Variants in APP observed in about 807,000 individuals in gnomAD.
The protein encoded by APP is amyloid-beta precursor protein.
A neutral mutation model predicts 101.4 loss-of-function variants in APP; 31 were observed. The ratio of observed to expected loss-of-function variants is 0.31; its 90% CI spans 0.23 to 0.41. The LOEUF is 0.41. Ranked by LOEUF, APP falls within the 10% of genes least tolerant of loss-of-function variation. The pLI is 1.00. For missense variants in APP, 839 were observed against 1,003.7 expected (o/e 0.84, Z 2.22); for synonymous variants, 366 against 364.4 (o/e 1.00, Z -0.05).
intron 3 of APP, chr21:26,068,177 A>G (rs964692048): frequency 6.6e-6 from 1 of 152,190 alleles, no homozygotes; most frequent in Admixed American, 6.5e-5. Flanking sequence ...AGGAAGAGGC[A>G]TTTTCACAGA....
chr21:25,946,882 G>C (rs2040845403), intron 13 of APP, among the ~76,000 whole-genome samples: 1 of 152,012 alleles, frequency 6.6e-6, no homozygotes, highest in Admixed American at 6.6e-5. Flanking sequence ...CAATAAACAA[G>C]ATCAATATAC....
intron 2 of APP, among the ~76,000 whole-genome samples, chr21:26,095,560 T>C (rs2061923716): frequency 6.6e-6 from 1 of 152,220 alleles, no homozygotes; most frequent in African/African-American, 2.4e-5. Context: ...AATTCAACTT[T>C]ATCACAGGTA....
intron 2 of APP, among the ~76,000 whole-genome samples, chr21:26,103,369 G>A (rs2062107232): frequency 6.6e-6 from 1 of 152,146 alleles, no homozygotes; most frequent in Admixed American, 6.5e-5. Context: ...AGCACTTTGG[G>A]AGGCCGAGGC....
chr21:26,119,750 C>T (rs2062523134), intron 1 of APP, among the ~76,000 whole-genome samples: 2 of 152,120 alleles, frequency 1.3e-5, no homozygotes, highest in South Asian at 4.1e-4. Context: ...ATCTCAAATG[C>T]TGGTACTTTG....
chr21:25,898,162 G>A (rs1270470412), intron 15 of APP, among the ~76,000 whole-genome samples: 1 of 152,176 alleles, frequency 6.6e-6, no homozygotes, highest in Non-Finnish European at 1.5e-5. Flanking sequence ...AATAAATTAT[G>A]TTCATGTATC....
intron 2 of APP, among the ~76,000 whole-genome samples, chr21:26,106,419 C>T (rs2062184160): frequency 6.6e-6 from 1 of 152,124 alleles, no homozygotes; most frequent in Admixed American, 6.5e-5. Context: ...AAAGAAACTG[C>T]CTAATTAACC....
At chr21:26,165,771 A>T (rs990614076) in intron 1 of APP, among the ~76,000 whole-genome samples, 16 of 152,226 alleles carry the variant, frequency 1.1e-4, no homozygotes, top group African/African-American at 3.6e-4. Flanking sequence ...AAACCTAAAT[A>T]AAATGATCTC....
chr21:25,898,472 G>A (rs1277437655), intron 15 of APP, among the ~76,000 whole-genome samples: 1 of 152,144 alleles, frequency 6.6e-6, no homozygotes, highest in Non-Finnish European at 1.5e-5. Flanking sequence ...CAGTGTCCAT[G>A]CTATAACATT....
intron 3 of APP, among the ~76,000 whole-genome samples, chr21:26,083,655 AT>A (rs1017542875): frequency 2.6e-4 from 39 of 152,266 alleles, no homozygotes; most frequent in African/African-American, 8.7e-4. Flanking sequence ...CTTGCTATTC[AT>A]TTTTCAAAGC....
At chr21:25,934,124 T>C (rs1251838521) in intron 13 of APP, 2 of 151,744 alleles carry the variant, frequency 1.3e-5, no homozygotes, top group Admixed American at 1.3e-4. Flanking sequence ...AGGTGGAGAT[T>C]GGAGGGGTGC....
intron 6 of APP, among the ~76,000 whole-genome samples, chr21:26,004,747 A>G (rs1414878511): frequency 6.6e-6 from 1 of 152,010 alleles, no homozygotes; most frequent in Non-Finnish European, 1.5e-5. Context: ...TGTTTGCTGC[A>G]CCCATAAACT....
chr21:25,982,923 C>A, intron 8 of APP, among the ~76,000 whole-genome samples: 1 of 80,044 alleles, frequency 1.2e-5, no homozygotes, highest in East Asian at 3.7e-4. Flanking sequence ...TGTAGAATAA[C>A]GGCACCCCAG....
At chr21:26,133,844 T>C (rs1352073813) in intron 1 of APP, among the ~76,000 whole-genome samples, 2 of 152,090 alleles carry the variant, frequency 1.3e-5, no homozygotes, top group Non-Finnish European at 2.9e-5. Flanking sequence ...TCAGAACCAA[T>C]ATAAGAAAAT....
chr21:26,170,879 C>T, upstream of APP: 2 of 386,886 alleles, frequency 5.2e-6, no homozygotes, highest in South Asian at 6.7e-5. Context: ...GGAACTGCGC[C>T]CGCTCGCGCC....
rs2041904192 is a variant in APP at position 25,969,063 on chromosome 21, A to G, written c.1458+6007T>C. 3.3e-5 allele frequency among the ~76,000 whole-genome samples: 5 copies of G among 152,004 alleles called. 1 individual carries two copies. The South Asian group carries it at 8.3e-4, about 25-fold the overall frequency. ...AGAGGAAGGTATAAAAGTCCTCAAG[A>G]AGGCATTTAATTACGCCTGCAATCT... is the stretch of plus-strand genomic sequence containing the variant. On this transcript the variant is annotated intron_variant, in intron 11 of 17. Coordinates refer to ENST00000346798, the MANE Select transcript of APP (RefSeq NM_000484.4).
At chr21:26,024,380 G>A (rs2044477494) in intron 5 of APP, among the ~76,000 whole-genome samples, 1 of 152,192 alleles carries the variant, frequency 6.6e-6, no homozygotes, top group African/African-American at 2.4e-5. Flanking sequence ...GGCCAACAAG[G>A]AGAAGCTCAT....
intron 5 of APP, among the ~76,000 whole-genome samples, chr21:26,048,276 T>C (rs1158373068): frequency 2.6e-5 from 4 of 151,928 alleles, no homozygotes; most frequent in Non-Finnish European, 4.4e-5. Flanking sequence ...TGAGCCGAGA[T>C]CACGCCACTG....
intron 3 of APP, among the ~76,000 whole-genome samples, chr21:26,086,600 T>C (rs2061710235): frequency 6.6e-6 from 1 of 151,916 alleles, no homozygotes; most frequent in South Asian, 2.1e-4. Flanking sequence ...TATATTTGGA[T>C]ACAGTCAAGA....
At chr21:26,135,642 T>C (rs892113960) in intron 1 of APP, among the ~76,000 whole-genome samples, 1 of 152,174 alleles carries the variant, frequency 6.6e-6, no homozygotes, top group South Asian at 2.1e-4. Flanking sequence ...TCTGCCTGGA[T>C]GGTGAGGCCT....
Sources: allele counts gnomAD v4.1 joint callset (sites outside exome capture counted in the v4.1 genomes callset), GRCh38; gene constraint gnomAD v4.1.1; transcripts MANE v1.5; gene names NCBI Gene and HGNC (gene_info 2026-07-23, HGNC 2026-07-21).